Variants in TRPS1 observed in about 807,000 individuals in gnomAD.
The protein encoded by TRPS1 is zinc finger transcription factor Trps1.
A neutral mutation model predicts 101.2 loss-of-function variants in TRPS1; 6 were observed. That is an observed-to-expected ratio of 0.06 (90% CI 0.03 to 0.12). The LOEUF (loss-of-function observed/expected upper bound fraction) is 0.12, where lower values mean the gene tolerates loss of function less well. TRPS1 is among the 10% of genes least tolerant of loss of function. TRPS1 has a pLI of 1.00. For synonymous variants in TRPS1, 578 were observed against 589.8 expected, an observed-to-expected ratio of 0.98 and a Z score of 0.29; for missense variants, 1,363 against 1,567.0, an observed-to-expected ratio of 0.87 and a Z score of 2.20.
intron 5 of TRPS1, among the ~76,000 whole-genome samples, chr8:115,447,320 A>C (rs1317461317): frequency 6.6e-6 from 1 of 152,190 alleles, no homozygotes; most frequent in Non-Finnish European, 1.5e-5. Context: ...ATTTAAAAGT[A>C]ATAAAATTTC....
intron 5 of TRPS1, among the ~76,000 whole-genome samples, chr8:115,582,924 C>T (rs1443839633): frequency 1.3e-5 from 2 of 152,076 alleles, no homozygotes; most frequent in African/African-American, 2.4e-5. Flanking sequence ...TATAACATTC[C>T]GTTTTGACAA....
intron 5 of TRPS1, among the ~76,000 whole-genome samples, chr8:115,544,134 T>A (rs1422944225): frequency 6.8e-6 from 1 of 148,050 alleles, no homozygotes; most frequent in African/African-American, 2.5e-5. Flanking sequence ...AACACAACAA[T>A]GGAAAGGAAG....
intron 1 of TRPS1, among the ~76,000 whole-genome samples, chr8:115,640,944 C>A (rs184106165): frequency 7.9e-5 from 12 of 152,122 alleles, no homozygotes; most frequent in African/African-American, 2.9e-4. Flanking sequence ...GCCAGCAGGT[C>A]GGAAGCAATT....
intron 5 of TRPS1, among the ~76,000 whole-genome samples, chr8:115,457,261 G>A (rs1016736933): frequency 6.6e-6 from 1 of 152,114 alleles, no homozygotes; most frequent in Admixed American, 6.6e-5. Context: ...ACATACAATA[G>A]AATATTATAC....
rs1230868377 is a variant in TRPS1, at chr8:115,411,859, A to AT, written c.*2163dup. 2 of 152,200 alleles carry AT rather than the reference A, an allele frequency of 1.3e-5. No homozygotes were observed. Among genetic ancestry groups the AT allele is most frequent in the Admixed American group, 6.6e-5 (1 of 15,222 alleles). 9.4% of individuals were successfully genotyped at this position (152,200 alleles called of 1,614,324 possible). A position where few individuals can be genotyped will look rare whatever the true frequency, so the allele number is the denominator to read the frequency against. On this transcript the variant is annotated 3_prime_UTR_variant, in exon 7 of 7. Coordinates refer to ENST00000395715, the MANE Select transcript of TRPS1 (RefSeq NM_014112.5). ...AATGACAACACAACATCAGAAAGACATTTTTTTAACTTCATTCGCTACAAC... is the reference window on the plus strand; with the variant it reads ...AATGACAACACAACATCAGAAAGACATTTTTTTTAACTTCATTCGCTACAAC...
chr8:115,631,973 C>G (rs1818656537), intron 1 of TRPS1, among the ~76,000 whole-genome samples: 1 of 152,062 alleles, frequency 6.6e-6, no homozygotes, highest in Non-Finnish European at 1.5e-5. Flanking sequence ...TGGTAAATCA[C>G]AGCCATGTTG....
At chr8:115,644,016 T>A (rs1194175450) in intron 1 of TRPS1, among the ~76,000 whole-genome samples, 1 of 152,194 alleles carries the variant, frequency 6.6e-6, no homozygotes, top group Non-Finnish European at 1.5e-5. Flanking sequence ...AAGTAGTAGG[T>A]CTCAACAGTG....
At chr8:115,574,171 G>T (rs1040763239) in intron 5 of TRPS1, among the ~76,000 whole-genome samples, 1 of 152,094 alleles carries the variant, frequency 6.6e-6, no homozygotes, top group South Asian at 2.1e-4. Context: ...CCCAGCAGGT[G>T]CTAAATTAAT....
intron 5 of TRPS1, among the ~76,000 whole-genome samples, chr8:115,574,569 C>T (rs1224727225): frequency 6.6e-6 from 1 of 152,086 alleles, no homozygotes; most frequent in African/African-American, 2.4e-5. Flanking sequence ...TCTTATCTTA[C>T]AATAAACTGT....
rs545768922 is a variant in TRPS1 at position 115,470,950 on chromosome 8, T to C, written c.2701-52498A>G. Among the ~76,000 whole-genome samples the C allele has an allele frequency of 3.9e-5, 6 of 152,340 alleles. No individual in the cohort carries two copies. The South Asian group carries it at 1.2e-3, about 32-fold the overall frequency. On this transcript the variant is annotated intron_variant, in intron 5 of 6. Coordinates refer to ENST00000395715, the MANE Select transcript of TRPS1 (RefSeq NM_014112.5). Reference sequence around the variant, plus strand: ...TTTCTAGGCATAGAGTCTTTAACTGTGGGTAGCACTTATCTGTACAACATA... The same window carrying C: ...TTTCTAGGCATAGAGTCTTTAACTGCGGGTAGCACTTATCTGTACAACATA...
intron 5 of TRPS1, among the ~76,000 whole-genome samples, chr8:115,470,551 TA>T (rs1814442213): frequency 6.6e-6 from 1 of 152,164 alleles, no homozygotes; most frequent in East Asian, 1.9e-4. Flanking sequence ...TAGTTTGGTT[TA>T]AAAAATAAGT....
chr8:115,532,995 G>C (rs939006281), intron 5 of TRPS1, among the ~76,000 whole-genome samples: 20 of 152,174 alleles, frequency 1.3e-4, no homozygotes, highest in African/African-American at 4.8e-4. Context: ...GCTATTGTGA[G>C]AGTTTAGAAA....
chr8:115,582,332 C>T (rs953803465), intron 5 of TRPS1, among the ~76,000 whole-genome samples: 6 of 152,204 alleles, frequency 3.9e-5, no homozygotes, highest in African/African-American at 1.4e-4. Flanking sequence ...CTTGTTTAAA[C>T]GTCTGTTTGG....
intron 1 of TRPS1, among the ~76,000 whole-genome samples, chr8:115,629,350 G>A (rs1174921250): frequency 6.6e-6 from 1 of 151,738 alleles, no homozygotes; most frequent in Non-Finnish European, 1.5e-5. Flanking sequence ...TTGAAAGAAT[G>A]TGTAGTGGCA....
intron 5 of TRPS1, among the ~76,000 whole-genome samples, chr8:115,531,947 T>C (rs1261848303): frequency 6.6e-6 from 1 of 152,040 alleles, no homozygotes; most frequent in Non-Finnish European, 1.5e-5. Flanking sequence ...TCGGGGTTTC[T>C]GAGTTGCTGG....
chr8:115,582,181 T>C lies in TRPS1; in HGVS notation c.2700+4820A>G, dbSNP rs192788183. ...TAAACATTAAGTCAGTGCTACCTCT[T>C]TGATAACTGGAATTTTGCTTTCATT... On this transcript the variant is annotated intron_variant, in intron 5 of 6. Transcript: ENST00000395715. Among the ~76,000 whole-genome samples, 16 of 152,302 alleles carry C rather than the reference T, an allele frequency of 1.1e-4. No individual in the cohort carries two copies. In the East Asian group the frequency reaches 2.9e-3, roughly 28 times the overall value.
intron 5 of TRPS1, among the ~76,000 whole-genome samples, chr8:115,550,706 T>C (rs1816683760): frequency 2.0e-5 from 3 of 152,184 alleles, no homozygotes; most frequent in Admixed American, 1.3e-4. Flanking sequence ...TGGAGGTTGT[T>C]CTATTTGACT....
chr8:115,421,484 T>C (rs1232029696), intron 5 of TRPS1, among the ~76,000 whole-genome samples: 9 of 152,226 alleles, frequency 5.9e-5, no homozygotes, highest in Admixed American at 2.6e-4. Context: ...TTGTTCAATG[T>C]GTTTCTTTCA....
intron 5 of TRPS1, among the ~76,000 whole-genome samples, chr8:115,499,963 CTTTT>C (rs760526789): frequency 1.9e-5 from 1 of 52,502 alleles, no homozygotes; most frequent in African/African-American, 5.2e-5. Context: ...TTCTTTCTTT[CTTTT>C]CTTTTCTTTT....
Sources: allele counts gnomAD v4.1 joint callset (sites outside exome capture counted in the v4.1 genomes callset), GRCh38; gene constraint gnomAD v4.1.1; transcripts MANE v1.5; gene names NCBI Gene and HGNC (gene_info 2026-07-23, HGNC 2026-07-21).